The following CCDC102B variants were observed in gnomAD, a reference collection of about 807,000 sequenced individuals.
The protein encoded by CCDC102B is coiled-coil domain containing 102B.
CCDC102B carries 75 observed loss-of-function variants against 57.4 expected under a neutral mutation model. The ratio of observed to expected loss-of-function variants is 1.31; its 90% CI spans 1.08 to 1.58. The LOEUF is 1.58. Among genes scored for constraint, CCDC102B ranks in the 40% most tolerant of loss-of-function variants. The pLI is 0.00. For missense variants in CCDC102B, 636 were observed against 582.6 expected (o/e 1.09, Z -0.94); for synonymous variants, 206 against 201.9 (o/e 1.02, Z -0.17).
intron 2 of CCDC102B, among the ~76,000 whole-genome samples, chr18:68,741,713 A>ACCCCCC (rs1555696158): frequency 2.0e-5 from 2 of 97,650 alleles, no homozygotes; most frequent in African/African-American, 8.6e-5. Context: ...ACACACACAC[A>ACCCCCC]CCCCAAGACA....
chr18:69,017,342 C>T (rs1009381846), intron 7 of CCDC102B, among the ~76,000 whole-genome samples: 2 of 152,014 alleles, frequency 1.3e-5, no homozygotes, highest in Non-Finnish European at 2.9e-5. Context: ...CCAGGCTGGT[C>T]TTGAACTCCT....
chr18:68,842,880 G>T (rs1364054966), intron 3 of CCDC102B, among the ~76,000 whole-genome samples: 1 of 152,106 alleles, frequency 6.6e-6, no homozygotes, highest in Non-Finnish European at 1.5e-5. Flanking sequence ...ACGTTTGCTT[G>T]CCAGACACAT....
chr18:68,864,131 T>A (rs2144891531), intron 4 of CCDC102B, among the ~76,000 whole-genome samples: 2 of 152,134 alleles, frequency 1.3e-5, no homozygotes, highest in Middle Eastern at 6.8e-3. Flanking sequence ...TCTTTATTGG[T>A]CATAGTTTCT....
At chr18:68,856,185 G>A (rs12965973) in intron 4 of CCDC102B, among the ~76,000 whole-genome samples, 43,530 of 151,758 alleles carry the variant, frequency 0.29, 6,742 homozygotes, top group Non-Finnish European at 0.34. Flanking sequence ...AGTAATTATC[G>A]TACAGCTTTA....
intron 6 of CCDC102B, among the ~76,000 whole-genome samples, chr18:69,003,466 T>C (rs923027501): frequency 2.0e-5 from 3 of 152,164 alleles, no homozygotes; most frequent in African/African-American, 7.2e-5. Context: ...ATTTGGGAGA[T>C]ATTTTGTGAT....
rs1391895325 is a variant in CCDC102B, at chr18:68,977,563, A to G, written c.1264-33371A>G. Among the ~76,000 whole-genome samples the G allele has an allele frequency of 2.0e-5, 3 of 151,854 alleles. No homozygotes were observed. The East Asian group carries it at 5.8e-4, about 29-fold the overall frequency. On this transcript the variant is annotated intron_variant, in intron 6 of 7. Coordinates refer to ENST00000360242, the MANE Select transcript of CCDC102B (RefSeq NM_024781.3). ...ACATTTAAACTATAGCACTAAAAAA[A>G]AAAAAACAGGTTGTAAAACAAGCAC...
intron 2 of CCDC102B, among the ~76,000 whole-genome samples, chr18:68,736,818 TGA>T (rs1048412656): frequency 1.3e-5 from 2 of 152,152 alleles, no homozygotes; most frequent in African/African-American, 4.8e-5. Flanking sequence ...GTGGGAATTC[TGA>T]GAGATACAAT....
At chr18:69,052,086 T>C (rs1303314703) in intron 7 of CCDC102B, among the ~76,000 whole-genome samples, 1 of 151,760 alleles carries the variant, frequency 6.6e-6, no homozygotes, top group Non-Finnish European at 1.5e-5. Flanking sequence ...CCAAAAATGC[T>C]TGGGACTCTT....
intron 1 of CCDC102B, among the ~76,000 whole-genome samples, chr18:68,831,606 GTC>G (rs2037143460): frequency 6.6e-6 from 1 of 152,022 alleles, no homozygotes; most frequent in African/African-American, 2.4e-5. Flanking sequence ...ATTATTTTCT[GTC>G]TCTGTACAAT....
chr18:68,827,392 A>G (rs1382129), intron 1 of CCDC102B, among the ~76,000 whole-genome samples: 70,433 of 151,918 alleles, frequency 0.46, 17,256 homozygotes, highest in East Asian at 0.9. Flanking sequence ...CTAAAGAGAA[A>G]TAAGTTTTCC....
At chr18:68,964,957 A>T (rs1415570885) in intron 6 of CCDC102B, among the ~76,000 whole-genome samples, 3 of 151,880 alleles carry the variant, frequency 2.0e-5, no homozygotes, top group Non-Finnish European at 4.4e-5. Context: ...CTGTCTTTTG[A>T]ATTACTATTT....
intron 2 of CCDC102B, among the ~76,000 whole-genome samples, chr18:68,768,644 TAATGTA>T (rs1267972834): frequency 6.6e-6 from 1 of 152,134 alleles, no homozygotes; most frequent in African/African-American, 2.4e-5. Context: ...TATTTTTGTT[TAATGTA>T]AATTAAATAT....
intron 2 of CCDC102B, among the ~76,000 whole-genome samples, chr18:68,723,627 T>A (rs1336408154): frequency 6.6e-6 from 1 of 152,178 alleles, no homozygotes. Flanking sequence ...AGTTCCAAAA[T>A]GATCTCCTTT....
chr18:68,807,528 C>T (rs1048740058), intron 1 of CCDC102B, among the ~76,000 whole-genome samples: 1 of 152,060 alleles, frequency 6.6e-6, no homozygotes, highest in Admixed American at 6.6e-5. Context: ...AAAAACCAAG[C>T]AAGCTTTGAG....
intron 4 of CCDC102B, chr18:68,866,862 C>G: frequency 1.5e-6 from 1 of 681,024 alleles, no homozygotes; most frequent in South Asian, 1.4e-5. Context: ...TGATCCACCA[C>G]AGCTACATTG....
chr18:68,893,693 T>C (rs1213175611), intron 5 of CCDC102B, among the ~76,000 whole-genome samples: 1 of 152,130 alleles, frequency 6.6e-6, no homozygotes, highest in East Asian at 1.9e-4. Context: ...TGATTACAAT[T>C]GTCAGTATCT....
At chr18:68,813,263 T>C (rs2036342018) in intron 1 of CCDC102B, among the ~76,000 whole-genome samples, 1 of 152,068 alleles carries the variant, frequency 6.6e-6, no homozygotes, top group Non-Finnish European at 1.5e-5. Flanking sequence ...TCTGCCATGA[T>C]TGTACGCTTC....
At chr18:69,015,177 G>T (rs781622202) in intron 7 of CCDC102B, among the ~76,000 whole-genome samples, 23 of 152,026 alleles carry the variant, frequency 1.5e-4, no homozygotes, top group Non-Finnish European at 3.1e-4. Context: ...GAAGTAACTG[G>T]GTATATGTCA....
intron 4 of CCDC102B, among the ~76,000 whole-genome samples, chr18:68,849,117 T>C (rs1181707162): frequency 1.3e-5 from 2 of 152,088 alleles, no homozygotes; most frequent in African/African-American, 4.8e-5. Flanking sequence ...TGGCTTACAT[T>C]GAAGCCTTAT....
Sources: allele counts gnomAD v4.1 joint callset (sites outside exome capture counted in the v4.1 genomes callset), GRCh38; gene constraint gnomAD v4.1.1; transcripts MANE v1.5; gene names NCBI Gene and HGNC (gene_info 2026-07-23, HGNC 2026-07-21).